The following CEP135 variants were observed in gnomAD, a reference collection of about 807,000 sequenced individuals.
CEP135 encodes the protein centrosomal protein 135, also known as centrosomal protein of 135 kDa.
A neutral mutation model predicts 157.3 loss-of-function variants in CEP135; 142 were observed. That is an observed-to-expected ratio of 0.90 (90% CI 0.79 to 1.04). The LOEUF is 1.04. CEP135 is among the 50% of genes least tolerant of loss of function. The pLI is 0.00. For missense variants in CEP135, 1,317 were observed against 1,309.2 expected, an observed-to-expected ratio of 1.01 and a Z score of -0.09; for synonymous variants, 396 against 439.8, an observed-to-expected ratio of 0.90 and a Z score of 1.25.
At position 55,971,355 on chromosome 4, in the gene CEP135, T is replaced by G; in HGVS notation, c.1196T>G (p.Leu399Arg). 1 of 1,606,276 alleles carries G rather than the reference T, an allele frequency of 6.2e-7. No individual in the cohort carries two copies. The highest frequency in any genetic ancestry group is 8.5e-7 in the Non-Finnish European group (1 of 1,176,844). ...KSDLETVVHQLEQEKQRLSKK... is the reference protein window; with the variant it reads ...KSDLETVVHQREQEKQRLSKK... ...GACCTAGAAACTGTTGTTCATCAGC[T>G]TGAACAAGAAAAGCAAAGACTTAGC... Residue 399 changes from leucine (L) to arginine (R), a missense_variant, in exon 10 of 26, where the codon CTT (leucine) becomes CGT (arginine). Physicochemically the swap from Leu to Arg is moderately radical, Grantham distance 102. Transcript: ENST00000257287.
chr4:56,019,332 C>A, intron 22 of CEP135, 21 bp from the exon 23 acceptor site: 2 of 1,586,758 alleles, frequency 1.3e-6, no homozygotes, highest in Non-Finnish European at 1.7e-6. Context: ...CTGAAGTAAT[C>A]TTACTTTGTT....
chr4:55,964,961 A>G (rs1052233751), intron 7 of CEP135: 2 of 152,148 alleles, frequency 1.3e-5, no homozygotes, highest in Non-Finnish European at 1.5e-5. Flanking sequence ...ATGCAGTATG[A>G]CACAGGAACT....
chr4:56,019,236 C>T, intron 22 of CEP135, 117 bp from the exon 23 acceptor site: 1 of 744,910 alleles, frequency 1.3e-6, no homozygotes, highest in Non-Finnish European at 2.2e-6. Flanking sequence ...TAACCCATAC[C>T]CAAAATGAAA....
chr4:56,019,102 T>A (rs1406580151), intron 22 of CEP135, among the ~76,000 whole-genome samples: 1 of 152,292 alleles, frequency 6.6e-6, no homozygotes, highest in South Asian at 2.1e-4. Flanking sequence ...TAAGGTACCA[T>A]GACTAAAAAT....
intron 21 of CEP135, among the ~76,000 whole-genome samples, chr4:56,013,481 T>C (rs1413120349): frequency 6.6e-6 from 1 of 152,174 alleles, no homozygotes; most frequent in Non-Finnish European, 1.5e-5. Context: ...CTATGTTTTC[T>C]AATAAGAGTT....
intron 6 of CEP135, among the ~76,000 whole-genome samples, chr4:55,963,204 TATTA>T (rs1728737678): frequency 6.6e-6 from 1 of 152,252 alleles, no homozygotes; most frequent in Non-Finnish European, 1.5e-5. Flanking sequence ...TTATTTTAGT[TATTA>T]ATTGTTTCTT....
At chr4:55,989,604 A>G (rs1729718292) in intron 14 of CEP135, among the ~76,000 whole-genome samples, 1 of 152,218 alleles carries the variant, frequency 6.6e-6, no homozygotes, top group Admixed American at 6.5e-5. Context: ...CCACTGATAG[A>G]ACAGTTTGCT....
At position 55,993,922 on chromosome 4, in the gene CEP135, C is replaced by G. The variant is rs557341477; in HGVS notation, c.2009+1837C>G. On this transcript the variant is annotated intron_variant, in intron 15 of 25. Coordinates refer to ENST00000257287, the MANE Select transcript of CEP135 (RefSeq NM_025009.5). ...GGGCTATTGTGAGAATTTTTGTCTA[C>G]CTTTCTACCAGGTTACCTTGTATAA... Among the ~76,000 whole-genome samples, 4 of 152,288 alleles carry G rather than the reference C, an allele frequency of 2.6e-5. No individual in the cohort carries two copies. In the South Asian group the frequency reaches 8.3e-4, roughly 32 times the overall value.
intron 25 of CEP135, among the ~76,000 whole-genome samples, chr4:56,030,334 T>C (rs902609717): frequency 6.6e-6 from 1 of 152,242 alleles, no homozygotes; most frequent in African/African-American, 2.4e-5. Flanking sequence ...TACTAAGCAA[T>C]AGGAAGTTTT....
chr4:56,019,734 G>C (rs966141415), intron 23 of CEP135, among the ~76,000 whole-genome samples, 179 bp downstream of exon 23: 2 of 151,856 alleles, frequency 1.3e-5, no homozygotes, highest in Non-Finnish European at 2.9e-5. Context: ...TCAGGAGTTT[G>C]AGACTAGCCT....
At chr4:55,966,130 A>C in intron 8 of CEP135, 1 of 342,744 alleles carries the variant, frequency 2.9e-6, no homozygotes, top group African/African-American at 2.1e-5. Flanking sequence ...CACGATTTTT[A>C]TCTCTGCCCC....
intron 10 of CEP135, among the ~76,000 whole-genome samples, chr4:55,972,096 G>T (rs1729046352): frequency 6.6e-6 from 1 of 152,104 alleles, no homozygotes; most frequent in South Asian, 2.1e-4. Flanking sequence ...GTTGCAGTGA[G>T]CCTGAATCGT....
At chr4:56,017,168 G>C (rs1024983109) in intron 21 of CEP135, among the ~76,000 whole-genome samples, 1 of 151,628 alleles carries the variant, frequency 6.6e-6, no homozygotes, top group Admixed American at 6.6e-5. Flanking sequence ...TATTAAAGTT[G>C]TTTACTATTT....
At position 55,985,322 on chromosome 4, in the gene CEP135, G is replaced by A; in HGVS notation, c.1821G>A (p.Glu607=). ...EVSLFGKSEL[E]KTIEHLTCVN... Reference sequence around the variant, plus strand: ...GTCTTTTTGGAAAATCAGAATTAGAGAAAACTATTGAACATTTGACATGTG... The same window carrying A: ...GTCTTTTTGGAAAATCAGAATTAGAAAAAACTATTGAACATTTGACATGTG... The change falls in exon 14 of 26, where the codon GAG becomes GAA. Residue 607 remains glutamate, a synonymous_variant. Transcript: ENST00000257287. 6.3e-7 allele frequency: 1 copy of A among 1,595,180 alleles called. No individual in the cohort carries two copies. The highest frequency in any genetic ancestry group is 8.6e-7 in the Non-Finnish European group (1 of 1,164,226).
intron 11 of CEP135, 73 bp from the exon 12 acceptor site, chr4:55,980,070 T>C: frequency 1.7e-6 from 2 of 1,206,998 alleles, no homozygotes; most frequent in Non-Finnish European, 2.4e-6. Flanking sequence ...CATCTTTCAG[T>C]CAATCTCATC....
In CEP135 at chr4:56,031,428, T is replaced by A. The variant is rs1046450589; in HGVS notation, c.*80T>A. On this transcript the variant is annotated 3_prime_UTR_variant, in exon 26 of 26. Coordinates refer to ENST00000257287, the MANE Select transcript of CEP135 (RefSeq NM_025009.5). The stretch of plus-strand genomic sequence containing the variant: ...CAGAACAGTAATGAAATATTTGAAG[T>A]ACTTGTTGCTGAAAATCATGAACAT... The A allele has an allele frequency of 1.0e-4, 16 of 152,604 alleles. No individual in the cohort carries two copies. The highest frequency in any genetic ancestry group is 1.3e-4 in the Non-Finnish European group (9 of 68,032). The allele number at this position is 152,604 out of a possible 1,614,324, so 9.5% of individuals were successfully genotyped here.
intron 9 of CEP135, 105 bp downstream of exon 9, chr4:55,969,233 C>A: frequency 1.2e-6 from 1 of 836,578 alleles, no homozygotes; most frequent in Non-Finnish European, 1.9e-6. Flanking sequence ...GACCATCCAG[C>A]CACATCAACA....
chr4:55,965,607 CA>C, intron 7 of CEP135, 36 bp from the exon 8 acceptor site: 3 of 1,399,254 alleles, frequency 2.1e-6, no homozygotes, highest in Non-Finnish European at 2.9e-6. Context: ...GATAATTTTC[CA>C]ATTCATATAC....
Position 55,959,771 on chromosome 4 carries a change from G to T in CEP135, c.699+5G>T, listed in dbSNP as rs766224211. ...GTGAGAGACTATAGCAAGCAGGTAG[G>T]ATTTTTATTTACTTGCATAGTAGGG... On this transcript the variant is annotated splice_donor_5th_base_variant and intron_variant, in intron 6 of 25. Transcript: ENST00000257287. The T allele has an allele frequency of 6.2e-7, 1 of 1,606,086 alleles. No homozygotes were observed. The highest frequency in any genetic ancestry group is 2.2e-5 in the East Asian group (1 of 44,830).
Sources: allele counts gnomAD v4.1 joint callset (sites outside exome capture counted in the v4.1 genomes callset), GRCh38; gene constraint gnomAD v4.1.1; transcripts MANE v1.5; gene names NCBI Gene and HGNC (gene_info 2026-07-23, HGNC 2026-07-21).